Variants in RBMS3 observed in about 807,000 individuals in gnomAD.
The protein encoded by RBMS3 is RNA-binding motif, single-stranded-interacting protein 3.
Under a neutral mutation model 66.8 loss-of-function variants are expected in RBMS3, and 27 were observed. The observed-to-expected ratio is 0.40, with a 90% CI of 0.30 to 0.56. RBMS3 has a LOEUF of 0.56. RBMS3 is among the 20% of genes least tolerant of loss of function. The pLI is 0.40. For missense variants in RBMS3, 513 were observed against 549.5 expected (o/e 0.93, Z 0.66); for synonymous variants, 188 against 183.0 (o/e 1.03, Z -0.22).
rs967264705 is a variant in RBMS3 at position 29,487,308 on chromosome 3, A to G, written c.249-1133A>G. Among the ~76,000 whole-genome samples, 4 of 152,162 alleles carry G rather than the reference A, an allele frequency of 2.6e-5. No individual in the cohort carries two copies. The East Asian group carries it at 7.7e-4, about 29-fold the overall frequency. ...TGGTAATAGGCATGAGGTAATAGTCATTTTGATAATATGAAACAAACAAAA... is the reference window on the plus strand; with the variant it reads ...TGGTAATAGGCATGAGGTAATAGTCGTTTTGATAATATGAAACAAACAAAA... On this transcript the variant is annotated intron_variant, in intron 2 of 14. Coordinates refer to ENST00000383767, the MANE Select transcript of RBMS3 (RefSeq NM_001003793.3).
intron 3 of RBMS3, among the ~76,000 whole-genome samples, chr3:29,500,948 A>T (rs2043945430): frequency 6.6e-6 from 1 of 152,140 alleles, no homozygotes; most frequent in Non-Finnish European, 1.5e-5. Flanking sequence ...AAAAGTTTAT[A>T]TTTTAGTTTA....
intron 3 of RBMS3, among the ~76,000 whole-genome samples, chr3:29,499,940 T>C (rs529309391): frequency 6.6e-6 from 1 of 152,248 alleles, no homozygotes; most frequent in Admixed American, 6.5e-5. Flanking sequence ...ATTTGAGATA[T>C]ACTGAATGAA....
chr3:29,565,955 T>C (rs1401130741), intron 3 of RBMS3, among the ~76,000 whole-genome samples: 4 of 152,098 alleles, frequency 2.6e-5, no homozygotes, highest in Non-Finnish European at 5.9e-5. Flanking sequence ...ATAAAAGTAT[T>C]TTATAATAAG....
rs375453772 is a variant in RBMS3 at position 29,771,970 on chromosome 3, G to C, written c.637+8981G>C. Among the ~76,000 whole-genome samples the C allele has an allele frequency of 2.9e-3, 435 of 152,032 alleles. 5 individuals carry two copies. The highest frequency in any genetic ancestry group is 9.6e-3 in the African/African-American group (400 of 41,500). On this transcript the variant is annotated intron_variant, in intron 6 of 14. Transcript: ENST00000383767. ...AGGATTACAATTTGACATGAGATTT[G>C]GGTGGAGACACAAATCCAATCCATT...
intron 4 of RBMS3, among the ~76,000 whole-genome samples, chr3:29,631,062 T>C (rs980837116): frequency 6.6e-6 from 1 of 151,924 alleles, no homozygotes; most frequent in Non-Finnish European, 1.5e-5. Context: ...TTAGCAAAAT[T>C]TGAGTATTTT....
At chr3:29,992,826 G>GAGAAAATTGATCAGATATTA (rs1363927329) in intron 14 of RBMS3, among the ~76,000 whole-genome samples, 1 of 152,124 alleles carries the variant, frequency 6.6e-6, no homozygotes, top group Non-Finnish European at 1.5e-5. Context: ...ATCAGATATT[G>GAGAAAATTGATCAGATATTA]AGGGTGGTCA....
intron 4 of RBMS3, among the ~76,000 whole-genome samples, chr3:29,674,367 C>G (rs2051141319): frequency 6.6e-6 from 1 of 152,134 alleles, no homozygotes; most frequent in Admixed American, 6.5e-5. Context: ...CCTCTCTCAC[C>G]ACTCCTATTC....
intron 10 of RBMS3, among the ~76,000 whole-genome samples, chr3:29,912,006 A>ATAGATAGATAG (rs1559793294): frequency 1.9e-4 from 29 of 149,072 alleles, no homozygotes; most frequent in African/African-American, 7.5e-4. Context: ...TAGATAGATA[A>ATAGATAGATAG]ATAGATGATA....
At chr3:29,526,803 ACTC>A (rs1217243425) in intron 3 of RBMS3, among the ~76,000 whole-genome samples, 1 of 150,416 alleles carries the variant, frequency 6.6e-6, no homozygotes, top group African/African-American at 2.5e-5. Flanking sequence ...ACGTTTCCCA[ACTC>A]CTCACCTCCA....
At chr3:29,653,093 G>A (rs1214622293) in intron 4 of RBMS3, among the ~76,000 whole-genome samples, 2 of 152,124 alleles carry the variant, frequency 1.3e-5, no homozygotes, top group African/African-American at 4.8e-5. Flanking sequence ...AACAGCCTTG[G>A]TGAAGAATTC....
At chr3:29,496,195 CA>C (rs60639896) in intron 3 of RBMS3, among the ~76,000 whole-genome samples, 2,746 of 110,452 alleles carry the variant, frequency 0.025, 46 homozygotes, top group African/African-American at 0.054. Context: ...CCGCCCACAT[CA>C]AAAAAAAAAA....
At chr3:29,591,594 C>G (rs1455835650) in intron 4 of RBMS3, among the ~76,000 whole-genome samples, 1 of 152,156 alleles carries the variant, frequency 6.6e-6, no homozygotes, top group Non-Finnish European at 1.5e-5. Flanking sequence ...TTCTCTGTGG[C>G]CTCATTGAGG....
intron 12 of RBMS3, among the ~76,000 whole-genome samples, chr3:29,961,413 C>T (rs902288147): frequency 6.6e-6 from 1 of 152,320 alleles, no homozygotes; most frequent in East Asian, 1.9e-4. Flanking sequence ...ACTGTTCCAA[C>T]CTCTACGTGT....
intron 1 of RBMS3, among the ~76,000 whole-genome samples, chr3:29,349,153 T>C (rs929375458): frequency 3.9e-5 from 6 of 152,174 alleles, no homozygotes; most frequent in Non-Finnish European, 5.9e-5. Flanking sequence ...ATCTGTGACA[T>C]TGATGATAGA....
intron 14 of RBMS3, among the ~76,000 whole-genome samples, chr3:30,001,148 C>T (rs1699591359): frequency 1.3e-5 from 2 of 152,012 alleles, no homozygotes. Flanking sequence ...TTTAAATATT[C>T]ATGGCTTTCT....
intron 9 of RBMS3, among the ~76,000 whole-genome samples, chr3:29,899,152 A>G (rs1324683274): frequency 1.3e-5 from 2 of 151,714 alleles, no homozygotes; most frequent in African/African-American, 2.4e-5. Flanking sequence ...GTGTTATACC[A>G]ATTACCATGA....
At chr3:29,395,634 T>C (rs928438023) in intron 1 of RBMS3, among the ~76,000 whole-genome samples, 11 of 152,198 alleles carry the variant, frequency 7.2e-5, no homozygotes, top group African/African-American at 2.7e-4. Flanking sequence ...AATAAGCAAG[T>C]AACCATTGTT....
At chr3:29,640,953 T>A (rs867166994) in intron 4 of RBMS3, 2 of 151,958 alleles carry the variant, frequency 1.3e-5, no homozygotes, top group African/African-American at 4.8e-5. Flanking sequence ...TTTGTGAGAA[T>A]TACATGATAA....
At chr3:29,335,475 T>C (rs529954613) in intron 1 of RBMS3, among the ~76,000 whole-genome samples, 6 of 152,198 alleles carry the variant, frequency 3.9e-5, no homozygotes, top group Non-Finnish European at 8.8e-5. Context: ...TCCCCTGCCA[T>C]GTCAATTTCA....
Sources: gnomAD v4.1 joint callset for allele counts (sites outside exome capture counted in the v4.1 genomes callset) on GRCh38, gnomAD v4.1.1 for gene constraint, MANE v1.5 for transcripts, NCBI Gene and HGNC (gene_info 2026-07-23, HGNC 2026-07-21) for gene names.